The following ACAP2 variants were observed in gnomAD, a reference collection of about 807,000 sequenced individuals.
ACAP2 encodes the protein arf-GAP with coiled-coil, ANK repeat and PH domain-containing protein 2.
A neutral mutation model predicts 115.8 loss-of-function variants in ACAP2; 39 were observed. The observed-to-expected ratio is 0.34, with a 90% confidence interval of 0.26 to 0.44. The LOEUF is 0.44. ACAP2 is among the 20% of genes least tolerant of loss of function. The pLI, the probability that ACAP2 is intolerant of heterozygous loss-of-function variation, is 1.00. For missense variants in ACAP2, 662 were observed against 927.6 expected (o/e 0.71, Z 3.72); for synonymous variants, 289 against 315.8 (o/e 0.92, Z 0.90).
chr3:195,295,760 G>A lies in ACAP2; in HGVS notation c.1620C>T (p.Ser540=). 1 of 1,614,088 alleles carries A rather than the reference G, an allele frequency of 6.2e-7. No individual in the cohort carries two copies. Among genetic ancestry groups the A allele is most frequent in the Non-Finnish European group, 8.5e-7 (1 of 1,179,992 alleles). ...VSKSSEEKRL[S]ISKFGPGDQV... ...GGTCCCCTGGCCCAAATTTAGAAAT[G>A]CTCAGCCTCTTTTCTTCAGAACTTT... The change falls in exon 17 of 23, where the codon AGC becomes AGT. Residue 540 remains serine, a synonymous_variant. Transcript: ENST00000326793.
At chr3:195,369,102 A>G (rs1732943104) in intron 4 of ACAP2, among the ~76,000 whole-genome samples, 1 of 152,162 alleles carries the variant, frequency 6.6e-6, no homozygotes, top group Admixed American at 6.5e-5. Flanking sequence ...AACAAAAAAA[A>G]AAAAAAGAGG....
At chr3:195,324,908 T>G (rs111942317) in intron 9 of ACAP2, among the ~76,000 whole-genome samples, 6 of 152,230 alleles carry the variant, frequency 3.9e-5, no homozygotes, top group African/African-American at 1.4e-4. Context: ...AAAACACATA[T>G]GCCTCAAATA....
chr3:195,323,227 T>C (rs544152516), intron 9 of ACAP2, among the ~76,000 whole-genome samples: 34 of 152,092 alleles, frequency 2.2e-4, no homozygotes, highest in Admixed American at 2.0e-3. Flanking sequence ...ATGAAACTCC[T>C]AGCCAGCAAA....
chr3:195,389,886 A>G (rs1402060555), intron 2 of ACAP2, among the ~76,000 whole-genome samples: 1 of 152,226 alleles, frequency 6.6e-6, no homozygotes, highest in Non-Finnish European at 1.5e-5. Flanking sequence ...GCGCAAGAAG[A>G]GCGCTGAACT....
chr3:195,385,686 T>C (rs563673484), intron 2 of ACAP2, among the ~76,000 whole-genome samples: 1 of 152,128 alleles, frequency 6.6e-6, no homozygotes, highest in Admixed American at 6.5e-5. Flanking sequence ...CCACTAACGG[T>C]AACAAGAAAG....
intron 1 of ACAP2, among the ~76,000 whole-genome samples, chr3:195,410,391 G>A (rs1713159267): frequency 6.6e-6 from 1 of 152,076 alleles, no homozygotes; most frequent in South Asian, 2.1e-4. Flanking sequence ...AAAAGCACAG[G>A]CAACAAAAGA....
chr3:195,397,833 T>G, intron 1 of ACAP2, among the ~76,000 whole-genome samples: 1 of 152,198 alleles, frequency 6.6e-6, no homozygotes, highest in Non-Finnish European at 1.5e-5. Flanking sequence ...ACAATCTCTT[T>G]TTGTTTTCAT....
chr3:195,301,860 G>T, intron 14 of ACAP2, 106 bp downstream of exon 14: 1 of 1,331,416 alleles, frequency 7.5e-7, no homozygotes, highest in Non-Finnish European at 1.0e-6. Flanking sequence ...ATACAAACTG[G>T]TGATTAAATT....
At chr3:195,442,773 G>C (rs763382249) in intron 1 of ACAP2, 22 bp downstream of exon 1, 50 of 1,527,386 alleles carry the variant, frequency 3.3e-5, no homozygotes, top group Non-Finnish European at 4.4e-5. Flanking sequence ...CCGCGGTGAC[G>C]CCGGGCGGCC....
intron 2 of ACAP2, among the ~76,000 whole-genome samples, chr3:195,383,176 G>T (rs1342285342): frequency 6.6e-6 from 1 of 151,996 alleles, no homozygotes; most frequent in Non-Finnish European, 1.5e-5. Flanking sequence ...TGTCTTGCCA[G>T]AAAAACTGAT....
At chr3:195,379,571 C>T (rs1419978396) in intron 4 of ACAP2, among the ~76,000 whole-genome samples, 3 of 152,086 alleles carry the variant, frequency 2.0e-5, no homozygotes, top group Admixed American at 6.6e-5. Context: ...GGCGGGAGGA[C>T]GGCTTGAGCC....
intron 7 of ACAP2, among the ~76,000 whole-genome samples, chr3:195,335,491 C>G (rs1310144811): frequency 2.0e-5 from 3 of 152,168 alleles, no homozygotes; most frequent in Non-Finnish European, 4.4e-5. Flanking sequence ...CACATGCACA[C>G]ACACAGAAAG....
chr3:195,355,296 T>TTA, intron 4 of ACAP2, among the ~76,000 whole-genome samples: 1 of 151,052 alleles, frequency 6.6e-6, no homozygotes, highest in East Asian at 1.9e-4. Context: ...TTTTTTTTTT[T>TTA]TTGGTAGTTA....
intron 1 of ACAP2, among the ~76,000 whole-genome samples, chr3:195,415,159 T>C (rs533477120): frequency 1.3e-5 from 2 of 152,288 alleles, no homozygotes; most frequent in Admixed American, 6.5e-5. Context: ...TTGTAACAAA[T>C]GTATCATTCT....
intron 4 of ACAP2, among the ~76,000 whole-genome samples, chr3:195,366,544 G>A (rs1235554593): frequency 6.6e-6 from 1 of 152,134 alleles, no homozygotes; most frequent in African/African-American, 2.4e-5. Flanking sequence ...AACCACCCCA[G>A]TCTTGTTAGA....
chr3:195,297,480 C>T (rs192079814), intron 15 of ACAP2, among the ~76,000 whole-genome samples, 199 bp from the exon 16 acceptor site: 1 of 152,162 alleles, frequency 6.6e-6, no homozygotes, highest in African/African-American at 2.4e-5. Flanking sequence ...CTGTTCTTCA[C>T]CAAATTACCT....
intron 4 of ACAP2, among the ~76,000 whole-genome samples, chr3:195,370,195 A>G (rs1178274700): frequency 6.6e-6 from 1 of 152,106 alleles, no homozygotes; most frequent in Non-Finnish European, 1.5e-5. Flanking sequence ...CTCCCACTGT[A>G]GGTTGTCTGT....
intron 17 of ACAP2, chr3:195,295,091 A>T: frequency 1.9e-6 from 1 of 519,662 alleles, no homozygotes; most frequent in Non-Finnish European, 3.1e-6. Context: ...ATATGACTGT[A>T]AGTAACGTGT....
At chr3:195,359,276 A>C (rs907230332) in intron 4 of ACAP2, among the ~76,000 whole-genome samples, 1 of 152,224 alleles carries the variant, frequency 6.6e-6, no homozygotes, top group African/African-American at 2.4e-5. Flanking sequence ...AGTAGTACAA[A>C]GACAAACACG....
Sources: gnomAD v4.1 joint callset for allele counts (sites outside exome capture counted in the v4.1 genomes callset) on GRCh38, gnomAD v4.1.1 for gene constraint, MANE v1.5 for transcripts, NCBI Gene and HGNC (gene_info 2026-07-23, HGNC 2026-07-21) for gene names.